The following GLB1 variants were observed in gnomAD, a reference collection of about 807,000 sequenced individuals.
The protein encoded by GLB1 is galactosidase beta 1.
GLB1 carries 56 observed loss-of-function variants against 74.0 expected under a neutral mutation model. That is an observed-to-expected ratio of 0.76 (90% CI 0.61 to 0.94). The LOEUF is 0.94. Ranked by LOEUF, GLB1 falls within the 40% of genes least tolerant of loss-of-function variation. The pLI, the probability that GLB1 is intolerant of heterozygous loss-of-function variation, is 0.00. For missense variants in GLB1, 787 were observed against 845.5 expected, an observed-to-expected ratio of 0.93 and a Z score of 0.86; for synonymous variants, 323 against 323.6, an observed-to-expected ratio of 1.00 and a Z score of 0.02.
chr3:33,086,363 T>G (rs891752593), intron 1 of GLB1, among the ~76,000 whole-genome samples: 2 of 152,076 alleles, frequency 1.3e-5, no homozygotes, highest in Non-Finnish European at 2.9e-5. Context: ...AACCACATAA[T>G]TAATGAGGAG....
At chr3:32,972,688 G>A in the GLB1 span, among the ~76,000 whole-genome samples, 1 of 152,162 alleles carries the variant, frequency 6.6e-6, no homozygotes, top group Non-Finnish European at 1.5e-5. Flanking sequence ...TCCAAGAGGA[G>A]GTGGCAAATA....
intron 1 of GLB1, chr3:33,091,133 C>G: frequency 8.1e-6 from 8 of 985,310 alleles, no homozygotes; most frequent in Non-Finnish European, 8.4e-6. Flanking sequence ...GGATGATTCA[C>G]AAAATGCGGT....
chr3:32,989,753 T>TG, the GLB1 span, among the ~76,000 whole-genome samples: 1 of 152,230 alleles, frequency 6.6e-6, no homozygotes, highest in African/African-American at 2.4e-5. Flanking sequence ...AAGAAGAGTG[T>TG]GGGATTTGGA....
intron 10 of GLB1, chr3:33,045,397 A>G (rs1698700505): frequency 1.0e-6 from 1 of 985,322 alleles, no homozygotes; most frequent in Non-Finnish European, 1.2e-6. Context: ...GGGAATTTAC[A>G]CAATTGGCTT....
chr3:33,056,487 C>G (rs1699229209), intron 6 of GLB1, among the ~76,000 whole-genome samples: 1 of 151,674 alleles, frequency 6.6e-6, no homozygotes, highest in Admixed American at 6.6e-5. Context: ...AATCACAGCT[C>G]ACCGCAGCCT....
At chr3:33,049,684 G>A (rs749533353) in intron 9 of GLB1, among the ~76,000 whole-genome samples, 4 of 152,070 alleles carry the variant, frequency 2.6e-5, no homozygotes, top group Non-Finnish European at 4.4e-5. Flanking sequence ...CCAAAGTGCC[G>A]GGATTACAGG....
At chr3:33,001,368 T>A (rs967010501) in intron 15 of GLB1, among the ~76,000 whole-genome samples, 3 of 152,046 alleles carry the variant, frequency 2.0e-5, no homozygotes, top group African/African-American at 7.2e-5. Flanking sequence ...CAGATGTGCA[T>A]CACCACACAC....
At chr3:33,039,871 A>T (rs547687594) in intron 10 of GLB1, among the ~76,000 whole-genome samples, 1 of 152,342 alleles carries the variant, frequency 6.6e-6, no homozygotes, top group South Asian at 2.1e-4. Flanking sequence ...TCTTAAAAGC[A>T]CTAGAGAAAA....
At chr3:32,974,988 C>T in the GLB1 span, among the ~76,000 whole-genome samples, 2 of 152,270 alleles carry the variant, frequency 1.3e-5, no homozygotes, top group South Asian at 2.1e-4. Flanking sequence ...TCACGAGTTC[C>T]CTGCTGGAGT....
At position 33,030,906 on chromosome 3, in the gene GLB1, T is replaced by C. The variant is rs151087403; in HGVS notation, c.1069-6581A>G. 11 of 803,736 alleles carry C rather than the reference T, an allele frequency of 1.4e-5. No homozygotes were observed. The African/African-American group carries it at 1.9e-4, about 14-fold the overall frequency. 49.8% of individuals were successfully genotyped at this position (803,736 alleles called of 1,614,324 possible). On this transcript the variant is annotated intron_variant, in intron 10 of 15. Transcript: ENST00000307363. Reference sequence around the variant, plus strand: ...CACCACTGCCCCTCTCAGGAATCAGTAGGGAAGAGGAGGTCGCTGCCCTAT... The same window carrying C: ...CACCACTGCCCCTCTCAGGAATCAGCAGGGAAGAGGAGGTCGCTGCCCTAT...
intron 2 of GLB1, 140 bp from the exon 3 acceptor site, chr3:33,069,110 C>A: frequency 6.9e-7 from 1 of 1,444,050 alleles, no homozygotes; most frequent in Non-Finnish European, 9.4e-7. Flanking sequence ...TTATCCAAGG[C>A]TGGGCACAGT....
chr3:33,032,861 GT>G, intron 10 of GLB1, among the ~76,000 whole-genome samples: 1 of 152,334 alleles, frequency 6.6e-6, no homozygotes, highest in African/African-American at 2.4e-5. Flanking sequence ...AGTGTCATAT[GT>G]TTTTGTAAAA....
chr3:32,978,926 A>ATT, the GLB1 span, among the ~76,000 whole-genome samples: 1,077 of 120,648 alleles, frequency 8.9e-3, 11 homozygotes, highest in African/African-American at 0.03. Flanking sequence ...CACCCGGCTA[A>ATT]TTTTTTTTTT....
chr3:32,962,801 T>A, the GLB1 span, among the ~76,000 whole-genome samples: 1 of 151,770 alleles, frequency 6.6e-6, no homozygotes. Flanking sequence ...TCTAAAACAC[T>A]ATTCCAGCAC....
At chr3:33,051,603 C>CAAAAAAAAAAAAAAAA (rs59740209) in intron 9 of GLB1, among the ~76,000 whole-genome samples, 155 bp downstream of exon 9, 1 of 75,370 alleles carries the variant, frequency 1.3e-5, no homozygotes, top group African/African-American at 4.3e-5. Flanking sequence ...AGACTGTCTA[C>CAAAAAAAAAAAAAAAA]AAAAAAAAAA....
In GLB1 at chr3:33,048,928, A is replaced by G. The variant is rs77201327; in HGVS notation, c.956-2696T>C. 4.6e-3 allele frequency among the ~76,000 whole-genome samples: 698 copies of G among 152,320 alleles called. 1 individual carries two copies. The highest frequency in any genetic ancestry group is 0.016 in the East Asian group (83 of 5,186). On this transcript the variant is annotated intron_variant, in intron 9 of 15. Coordinates refer to ENST00000307363, the MANE Select transcript of GLB1 (RefSeq NM_000404.4). Reference sequence around the variant, plus strand: ...TTAAGATGAGGCTAATATGCAGGCTAAATAAGGCAACAGAGGAAGAAAGGG... The same window carrying G: ...TTAAGATGAGGCTAATATGCAGGCTGAATAAGGCAACAGAGGAAGAAAGGG...
chr3:33,058,977 CTATGTCTGGA>C (rs1430290935), intron 5 of GLB1, among the ~76,000 whole-genome samples: 1 of 152,166 alleles, frequency 6.6e-6, no homozygotes, highest in East Asian at 1.9e-4. Flanking sequence ...GGACATGTGG[CTATGTCTGGA>C]AATGTTTGAG....
intron 2 of GLB1, among the ~76,000 whole-genome samples, chr3:33,071,021 A>ATTCC (rs1044221068): frequency 1.3e-5 from 2 of 152,344 alleles, no homozygotes; most frequent in Admixed American, 1.3e-4. Context: ...AGATTTTGTC[A>ATTCC]GGAATCATGT....
chr3:33,025,156 G>A (rs1373428213), intron 10 of GLB1, among the ~76,000 whole-genome samples: 1 of 152,118 alleles, frequency 6.6e-6, no homozygotes, highest in Non-Finnish European at 1.5e-5. Context: ...TGTTGGTCAG[G>A]CTGGTCTCGA....
Sources: gnomAD v4.1 joint callset for allele counts (sites outside exome capture counted in the v4.1 genomes callset) on GRCh38, gnomAD v4.1.1 for gene constraint, MANE v1.5 for transcripts, NCBI Gene and HGNC (gene_info 2026-07-23, HGNC 2026-07-21) for gene names.